ATP8A2: variants seen among roughly 807,000 people sequenced by gnomAD.
ATP8A2 encodes phospholipid-transporting ATPase IB.
In ATP8A2, 100 loss-of-function variants were observed where a neutral mutation model predicts 165.6. The ratio of observed to expected loss-of-function variants is 0.60; its 90% CI spans 0.51 to 0.71. ATP8A2 has a LOEUF of 0.71. Ranked by LOEUF, ATP8A2 falls within the 30% of genes least tolerant of loss-of-function variation. The probability of loss-of-function intolerance (pLI) is 0.00; values close to 1 mark genes in which losing one functional copy is unlikely to be tolerated. For missense variants in ATP8A2, 1,227 were observed against 1,479.5 expected, an observed-to-expected ratio of 0.83 and a Z score of 2.80; for synonymous variants, 543 against 548.8, an observed-to-expected ratio of 0.99 and a Z score of 0.15.
intron 33 of ATP8A2, among the ~76,000 whole-genome samples, chr13:25,937,390 A>G (rs1240385052): frequency 7.6e-4 from 9 of 11,920 alleles, no homozygotes; most frequent in East Asian, 0.037. Flanking sequence ...GAACAGCCCA[A>G]TGTAACTCCA....
At chr13:25,827,882 G>A (rs1951360322) in intron 27 of ATP8A2, among the ~76,000 whole-genome samples, 1 of 152,166 alleles carries the variant, frequency 6.6e-6, no homozygotes. Context: ...ATGAACATGT[G>A]CATATTATCT....
At chr13:25,684,820 TC>T (rs2042567862) in intron 24 of ATP8A2, among the ~76,000 whole-genome samples, 1 of 152,210 alleles carries the variant, frequency 6.6e-6, no homozygotes, top group Admixed American at 6.5e-5. Context: ...AATCATCATT[TC>T]CCACGTATTC....
At position 25,483,164 on chromosome 13, in the gene ATP8A2, T is replaced by C. The variant is rs1327669043; in HGVS notation, c.221+14043T>C. On this transcript the variant is annotated intron_variant, in intron 2 of 36. Coordinates refer to ENST00000381655, the MANE Select transcript of ATP8A2 (RefSeq NM_016529.6). ...CCCAGGAAGAGGTGCAGGGCTATAC[T>C]GCTGCAGGAGAAGAGAAGCACTTGG... is the stretch of plus-strand genomic sequence containing the variant. Among the ~76,000 whole-genome samples the C allele has an allele frequency of 2.6e-5, 4 of 152,220 alleles. No homozygotes were observed. In the East Asian group the frequency reaches 5.8e-4, roughly 22 times the overall value.
intron 27 of ATP8A2, among the ~76,000 whole-genome samples, chr13:25,814,332 T>C (rs1950955204): frequency 6.6e-6 from 1 of 152,156 alleles, no homozygotes; most frequent in Non-Finnish European, 1.5e-5. Context: ...AGAGATTGCA[T>C]TGAGTCTGTA....
chr13:25,929,797 C>G (rs888774623), intron 33 of ATP8A2, among the ~76,000 whole-genome samples: 1 of 152,174 alleles, frequency 6.6e-6, no homozygotes, highest in African/African-American at 2.4e-5. Flanking sequence ...GCACTCAAAC[C>G]TGGGCAACAG....
chr13:25,877,696 A>C (rs748164890), intron 33 of ATP8A2, among the ~76,000 whole-genome samples: 24 of 152,154 alleles, frequency 1.6e-4, no homozygotes, highest in Non-Finnish European at 2.9e-5. Flanking sequence ...ATGTGGCATA[A>C]GTGTCTGTTT....
intron 2 of ATP8A2, among the ~76,000 whole-genome samples, chr13:25,476,683 G>A (rs1224570103): frequency 6.6e-6 from 1 of 152,124 alleles, no homozygotes; most frequent in Non-Finnish European, 1.5e-5. Flanking sequence ...TATCAAGTTT[G>A]GCAAAGGTAA....
intron 35 of ATP8A2, among the ~76,000 whole-genome samples, chr13:25,980,820 G>A (rs1335599034): frequency 6.6e-6 from 1 of 152,142 alleles, no homozygotes; most frequent in Non-Finnish European, 1.5e-5. Flanking sequence ...GCAGTGAGCC[G>A]TGATTACAGC....
At chr13:25,669,260 G>A (rs1306498739) in intron 24 of ATP8A2, among the ~76,000 whole-genome samples, 1 of 151,974 alleles carries the variant, frequency 6.6e-6, no homozygotes, top group Non-Finnish European at 1.5e-5. Context: ...ATTCTTTACT[G>A]TGTATCATTA....
At chr13:25,616,204 A>C (rs1015530361) in intron 24 of ATP8A2, among the ~76,000 whole-genome samples, 2 of 152,150 alleles carry the variant, frequency 1.3e-5, no homozygotes, top group Non-Finnish European at 2.9e-5. Flanking sequence ...CTGATAAGGT[A>C]CATCTACCAA....
At position 25,749,996 on chromosome 13, in the gene ATP8A2, A is replaced by G. The variant is rs185637094; in HGVS notation, c.2385-19050A>G. On this transcript the variant is annotated intron_variant, in intron 25 of 36. Transcript: ENST00000381655. ...GGCAACATAGCAAGACCACATCTCT[A>G]AAAAATAAAACAAAACAAAACAAAA... is the stretch of plus-strand genomic sequence containing the variant. Among the ~76,000 whole-genome samples the G allele has an allele frequency of 3.2e-3, 483 of 152,350 alleles. 2 individuals carry two copies. Among genetic ancestry groups the G allele is most frequent in the Middle Eastern group, 0.014 (4 of 294 alleles).
chr13:25,497,031 C>T (rs558055490), intron 2 of ATP8A2, among the ~76,000 whole-genome samples: 16 of 152,232 alleles, frequency 1.1e-4, no homozygotes, highest in African/African-American at 2.4e-4. Flanking sequence ...CTGACTCCCT[C>T]GGCAGGCTGC....
chr13:25,984,354 A>G (rs560632267), intron 35 of ATP8A2, among the ~76,000 whole-genome samples: 1 of 152,282 alleles, frequency 6.6e-6, no homozygotes, highest in African/African-American at 2.4e-5. Flanking sequence ...CTGTAATTCC[A>G]GCACTTTGGG....
chr13:25,722,896 T>G (rs1190386654), intron 25 of ATP8A2, among the ~76,000 whole-genome samples: 1 of 152,210 alleles, frequency 6.6e-6, no homozygotes, highest in East Asian at 1.9e-4. Flanking sequence ...GCTTATTTGC[T>G]CCATAATCAA....
At chr13:25,748,643 A>T (rs2044088293) in intron 25 of ATP8A2, among the ~76,000 whole-genome samples, 1 of 152,156 alleles carries the variant, frequency 6.6e-6, no homozygotes, top group Non-Finnish European at 1.5e-5. Context: ...AAAAGAAGTT[A>T]CTGCTCTGCT....
intron 25 of ATP8A2, among the ~76,000 whole-genome samples, chr13:25,721,455 C>T (rs1286491075): frequency 6.6e-6 from 1 of 152,180 alleles, no homozygotes; most frequent in Admixed American, 6.5e-5. Context: ...AGCATTTCCC[C>T]AATGTTTTCT....
chr13:25,378,686 C>T (rs557496956), intron 1 of ATP8A2, among the ~76,000 whole-genome samples: 18 of 152,228 alleles, frequency 1.2e-4, no homozygotes, highest in Non-Finnish European at 1.3e-4. Flanking sequence ...TCCAAAACTG[C>T]GAGTGAAGCA....
chr13:25,876,307 T>A (rs1952818061), intron 33 of ATP8A2, among the ~76,000 whole-genome samples: 1 of 151,952 alleles, frequency 6.6e-6, no homozygotes, highest in African/African-American at 2.4e-5. Context: ...AGAAGAAAAG[T>A]TTAGGATTTG....
chr13:25,413,268 C>A lies in ATP8A2; in HGVS notation c.76+40980C>A, dbSNP rs191011210. Reference sequence around the variant, plus strand: ...TGTAGTCAGACTTTTTTTTCTTTTTCTTTTTCTTTGTTTTTTTTTTTTTTT... The same window carrying A: ...TGTAGTCAGACTTTTTTTTCTTTTTATTTTTCTTTGTTTTTTTTTTTTTTT... On this transcript the variant is annotated intron_variant, in intron 1 of 36. Coordinates refer to ENST00000381655, the MANE Select transcript of ATP8A2 (RefSeq NM_016529.6). Among the ~76,000 whole-genome samples the A allele has an allele frequency of 6.7e-3, 907 of 135,284 alleles. 5 individuals are homozygous for A. Among genetic ancestry groups the A allele is most frequent in the Non-Finnish European group, 0.01 (629 of 62,364 alleles). The allele number at this position is 135,284 out of a possible 152,430, so 88.8% of individuals were successfully genotyped here. A position where few individuals can be genotyped will look rare whatever the true frequency, so the allele number is the denominator to read the frequency against.
Sources: gnomAD v4.1 joint callset for allele counts (sites outside exome capture counted in the v4.1 genomes callset) on GRCh38, gnomAD v4.1.1 for gene constraint, MANE v1.5 for transcripts, NCBI Gene and HGNC (gene_info 2026-07-23, HGNC 2026-07-21) for gene names.